Variants in ROBO2 observed in about 807,000 individuals in gnomAD.
The protein encoded by ROBO2 is roundabout homolog 2.
Under a neutral mutation model 160.8 loss-of-function variants are expected in ROBO2, and 53 were observed. The observed-to-expected ratio is 0.33, with a 90% CI of 0.26 to 0.41. The LOEUF is 0.41. Among genes scored for constraint, ROBO2 ranks in the 10% least tolerant of loss-of-function variants. ROBO2 has a pLI of 1.00. For missense variants in ROBO2, 1,577 were observed against 1,722.4 expected, an observed-to-expected ratio of 0.92 and a Z score of 1.49; for synonymous variants, 664 against 611.7, an observed-to-expected ratio of 1.09 and a Z score of -1.26.
At chr3:77,066,717 C>T (rs2066885372) in intron 1 of ROBO2, among the ~76,000 whole-genome samples, 1 of 151,884 alleles carries the variant, frequency 6.6e-6, no homozygotes, top group South Asian at 2.1e-4. Context: ...TGGTTTTAAA[C>T]ACTTTTTGAT....
chr3:77,386,603 ATTTTTTT>A (rs71104679), intron 2 of ROBO2, among the ~76,000 whole-genome samples: 3 of 91,898 alleles, frequency 3.3e-5, no homozygotes, highest in African/African-American at 1.1e-4. Flanking sequence ...CAGCCAGGTA[ATTTTTTT>A]TTTTTTTTTT....
chr3:76,264,929 A>G (rs1484803798), intron 2 of ROBO2, among the ~76,000 whole-genome samples: 2 of 152,156 alleles, frequency 1.3e-5, no homozygotes, highest in Non-Finnish European at 2.9e-5. Flanking sequence ...TCTTCTCTAT[A>G]TACTTTCCTC....
intron 2 of ROBO2, among the ~76,000 whole-genome samples, chr3:76,390,430 G>T (rs1403029161): frequency 6.6e-6 from 1 of 151,934 alleles, no homozygotes; most frequent in Non-Finnish European, 1.5e-5. Context: ...ATTTTAACTT[G>T]ATGGAAAATG....
At chr3:77,547,334 T>A (rs1421795228) in intron 7 of ROBO2, among the ~76,000 whole-genome samples, 1 of 152,062 alleles carries the variant, frequency 6.6e-6, no homozygotes, top group Non-Finnish European at 1.5e-5. Context: ...AAACATGCAC[T>A]ACTAGGCATA....
chr3:76,365,292 C>T (rs180812751), intron 2 of ROBO2, among the ~76,000 whole-genome samples: 59 of 152,078 alleles, frequency 3.9e-4, no homozygotes, highest in Admixed American at 2.4e-3. Flanking sequence ...ATAAAAAATA[C>T]GATTCCTGTA....
intron 2 of ROBO2, among the ~76,000 whole-genome samples, chr3:76,510,604 G>C (rs2081038348): frequency 6.6e-6 from 1 of 151,996 alleles, no homozygotes; most frequent in African/African-American, 2.4e-5. Context: ...GGCACCTTTA[G>C]TCCCAGCTAC....
chr3:76,814,127 G>C (rs1425717571), intron 2 of ROBO2, among the ~76,000 whole-genome samples: 1 of 152,096 alleles, frequency 6.6e-6, no homozygotes, highest in African/African-American at 2.4e-5. Flanking sequence ...GTATCCGTCT[G>C]GTTAGTATGT....
intron 2 of ROBO2, among the ~76,000 whole-genome samples, chr3:76,090,108 A>G (rs886923195): frequency 6.6e-6 from 1 of 152,220 alleles, no homozygotes; most frequent in Non-Finnish European, 1.5e-5. Context: ...TTAGGTATAA[A>G]TCTAACAAAA....
At chr3:75,999,274 A>G (rs912815373) in intron 2 of ROBO2, among the ~76,000 whole-genome samples, 1 of 152,208 alleles carries the variant, frequency 6.6e-6, no homozygotes, top group African/African-American at 2.4e-5. Flanking sequence ...TCTATTCACA[A>G]TAACAATTGT....
At chr3:76,484,510 G>T (rs9870621) in intron 2 of ROBO2, among the ~76,000 whole-genome samples, 16,835 of 151,994 alleles carry the variant, frequency 0.11, 1,027 homozygotes, top group African/African-American at 0.14. Context: ...CAGAATGCAG[G>T]AATTAACAAC....
chr3:76,881,135 C>T (rs1241173578), intron 2 of ROBO2, among the ~76,000 whole-genome samples: 1 of 152,166 alleles, frequency 6.6e-6, no homozygotes, highest in Non-Finnish European at 1.5e-5. Flanking sequence ...AAAATAGTCA[C>T]TGGCAATCAT....
At chr3:77,475,940 C>A (rs1367651653) in intron 2 of ROBO2, among the ~76,000 whole-genome samples, 2 of 152,142 alleles carry the variant, frequency 1.3e-5, no homozygotes, top group Non-Finnish European at 2.9e-5. Flanking sequence ...ATTTCTTTAG[C>A]AGTGAAATCA....
chr3:77,393,028 A>G (rs1021177597), intron 2 of ROBO2, among the ~76,000 whole-genome samples: 1 of 152,188 alleles, frequency 6.6e-6, no homozygotes, highest in African/African-American at 2.4e-5. Flanking sequence ...AGCACCAGTC[A>G]TTACTACATC....
chr3:77,246,359 G>GTGTGTT (rs1553867536), intron 2 of ROBO2, among the ~76,000 whole-genome samples: 1 of 150,466 alleles, frequency 6.6e-6, no homozygotes, highest in Non-Finnish European at 1.5e-5. Flanking sequence ...GTGTGTGTGT[G>GTGTGTT]TTTTGCATGT....
intron 2 of ROBO2, among the ~76,000 whole-genome samples, chr3:77,126,410 A>T (rs1459525817): frequency 6.6e-6 from 1 of 152,206 alleles, no homozygotes; most frequent in Non-Finnish European, 1.5e-5. Context: ...TACAGATTCC[A>T]ATTTGTGTAA....
At chr3:76,965,632 C>A (rs2080007990) in intron 2 of ROBO2, among the ~76,000 whole-genome samples, 1 of 149,800 alleles carries the variant, frequency 6.7e-6, no homozygotes, top group South Asian at 2.1e-4. Context: ...AGCAAATTAA[C>A]TTCTCTGTCT....
At chr3:76,834,220 C>G (rs1283196004) in intron 2 of ROBO2, among the ~76,000 whole-genome samples, 2 of 110,160 alleles carry the variant, frequency 1.8e-5, no homozygotes, top group Admixed American at 1.8e-4. Flanking sequence ...TTGTTTTTTT[C>G]TTGAGACAAG....
At chr3:77,041,379 C>G (rs1222176252) in intron 1 of ROBO2, among the ~76,000 whole-genome samples, 4 of 152,198 alleles carry the variant, frequency 2.6e-5, no homozygotes, top group Non-Finnish European at 4.4e-5. Flanking sequence ...AGGGAGAAAA[C>G]TGTCAAAAGT....
rs1341047501 is a variant in ROBO2, at chr3:77,400,509, T to C, written c.389-76905T>C. 2.0e-5 allele frequency among the ~76,000 whole-genome samples: 3 copies of C among 152,148 alleles called. No individual in the cohort carries two copies. The South Asian group carries it at 6.2e-4, about 32-fold the overall frequency. Reference sequence around the variant, plus strand: ...GGAGCCAGTACGTTCACTTTAGACATTAGAAATTATCCAACACATTCGGTT... The same window carrying C: ...GGAGCCAGTACGTTCACTTTAGACACTAGAAATTATCCAACACATTCGGTT... On this transcript the variant is annotated intron_variant, in intron 2 of 25. Coordinates refer to ENST00000461745, the Ensembl canonical transcript of ROBO2.
Sources: allele counts gnomAD v4.1 joint callset (sites outside exome capture counted in the v4.1 genomes callset), GRCh38; gene constraint gnomAD v4.1.1; transcripts MANE v1.5; gene names NCBI Gene and HGNC (gene_info 2026-07-23, HGNC 2026-07-21).